CDK14: variants seen among roughly 807,000 people sequenced by gnomAD.
CDK14 encodes cyclin-dependent kinase 14.
In CDK14, 34 loss-of-function variants were observed where a neutral mutation model predicts 60.7. The ratio of observed to expected loss-of-function variants is 0.56; its 90% confidence interval spans 0.43 to 0.75. The LOEUF (loss-of-function observed/expected upper bound fraction) is 0.75, where lower values mean the gene tolerates loss of function less well. CDK14 is among the 30% of genes least tolerant of loss of function. The probability of loss-of-function intolerance (pLI) is 0.00; values close to 1 mark genes in which losing one functional copy is unlikely to be tolerated. For missense variants in CDK14, 482 were observed against 564.1 expected (o/e 0.85, Z 1.47); for synonymous variants, 197 against 203.7 (o/e 0.97, Z 0.28).
chr7:90,923,908 C>T (rs1793330544), intron 8 of CDK14, among the ~76,000 whole-genome samples: 1 of 152,100 alleles, frequency 6.6e-6, no homozygotes, highest in South Asian at 2.1e-4. Context: ...TAAGTAGCAG[C>T]CATGATGAAC....
chr7:90,908,084 A>G (rs1436230855), intron 7 of CDK14, among the ~76,000 whole-genome samples: 1 of 152,140 alleles, frequency 6.6e-6, no homozygotes, highest in Non-Finnish European at 1.5e-5. Context: ...TAAAAATTTG[A>G]CACCAAGTCT....
Position 90,693,306 on chromosome 7 carries a change from T to C in CDK14, c.124-33261T>C, listed in dbSNP as rs1434572350. On this transcript the variant is annotated intron_variant, in intron 2 of 14. Transcript: ENST00000380050. ...ATTGAACAGAAGTTGTATAAGCTGATGATGAGTCTTGATCTGGAATAGACC... is the reference window on the plus strand; with the variant it reads ...ATTGAACAGAAGTTGTATAAGCTGACGATGAGTCTTGATCTGGAATAGACC... 3.3e-5 allele frequency among the ~76,000 whole-genome samples: 5 copies of C among 152,308 alleles called. No individual in the cohort carries two copies. The South Asian group carries it at 1.0e-3, about 32-fold the overall frequency.
chr7:90,777,425 T>C (rs148318065), intron 4 of CDK14, among the ~76,000 whole-genome samples: 4 of 152,182 alleles, frequency 2.6e-5, no homozygotes, highest in Admixed American at 6.5e-5. Flanking sequence ...AGAGAGGCAG[T>C]GAGAAGCTGG....
chr7:90,970,017 A>G (rs1443059288), intron 9 of CDK14, among the ~76,000 whole-genome samples: 1 of 147,098 alleles, frequency 6.8e-6, no homozygotes, highest in Non-Finnish European at 1.5e-5. Context: ...CCCAGGCTGG[A>G]GTGCAGTGGC....
At chr7:91,016,086 T>G (rs2115845672) in intron 10 of CDK14, among the ~76,000 whole-genome samples, 2 of 152,314 alleles carry the variant, frequency 1.3e-5, no homozygotes, top group South Asian at 4.2e-4. Flanking sequence ...AGATCCCTGC[T>G]GCTAACACCC....
chr7:90,711,570 C>T (rs980276740), intron 2 of CDK14, among the ~76,000 whole-genome samples: 2 of 151,962 alleles, frequency 1.3e-5, no homozygotes, highest in Non-Finnish European at 2.9e-5. Context: ...ACTGATTTTA[C>T]AATCATACGA....
intron 12 of CDK14, among the ~76,000 whole-genome samples, chr7:91,087,281 A>G (rs1275211973): frequency 6.6e-6 from 1 of 152,178 alleles, no homozygotes; most frequent in Non-Finnish European, 1.5e-5. Context: ...TGCATCTAAC[A>G]TGTTGTGTAC....
chr7:91,001,893 G>A (rs887793168), intron 10 of CDK14, among the ~76,000 whole-genome samples: 1 of 152,202 alleles, frequency 6.6e-6, no homozygotes, highest in Non-Finnish European at 1.5e-5. Context: ...CCCAATGTAA[G>A]TGATACAACT....
At chr7:91,092,108 C>T (rs1798849788) in intron 12 of CDK14, among the ~76,000 whole-genome samples, 1 of 152,164 alleles carries the variant, frequency 6.6e-6, no homozygotes, top group African/African-American at 2.4e-5. Flanking sequence ...AAAGCTCTAG[C>T]AATCATGCCA....
At chr7:91,061,210 C>T (rs932954063) in intron 11 of CDK14, among the ~76,000 whole-genome samples, 8 of 152,236 alleles carry the variant, frequency 5.3e-5, no homozygotes, top group Non-Finnish European at 7.4e-5. Flanking sequence ...GAGGCTTGTG[C>T]ATTCGTCATG....
At chr7:90,896,422 A>G (rs1223014271) in intron 6 of CDK14, among the ~76,000 whole-genome samples, 1 of 152,138 alleles carries the variant, frequency 6.6e-6, no homozygotes, top group Non-Finnish European at 1.5e-5. Flanking sequence ...TTATTGATAT[A>G]CTACTAAAAA....
At chr7:91,143,029 T>C (rs43011) in intron 14 of CDK14, among the ~76,000 whole-genome samples, 145,372 of 152,304 alleles carry the variant, frequency 0.95, 69,401 homozygotes, top group East Asian at 1. Context: ...TACTGTTATA[T>C]AAATATAAAT....
intron 9 of CDK14, among the ~76,000 whole-genome samples, chr7:90,970,829 T>C (rs1214224469): frequency 6.6e-6 from 1 of 152,224 alleles, no homozygotes. Context: ...GTGTTTAATT[T>C]CATAGGATAA....
At chr7:90,809,681 G>A (rs934015848) in intron 5 of CDK14, among the ~76,000 whole-genome samples, 1 of 152,130 alleles carries the variant, frequency 6.6e-6, no homozygotes, top group Non-Finnish European at 1.5e-5. Flanking sequence ...GAATCCAGGA[G>A]CTAGTTTTTT....
intron 2 of CDK14, among the ~76,000 whole-genome samples, chr7:90,714,354 ACAG>A (rs751181374): frequency 9.2e-5 from 14 of 152,072 alleles, no homozygotes; most frequent in Non-Finnish European, 1.5e-4. Context: ...TGACAGACAA[ACAG>A]CAGGATGTGT....
chr7:91,112,479 T>G (rs554266575), intron 12 of CDK14, 63 bp from the exon 13 acceptor site: 2 of 1,539,176 alleles, frequency 1.3e-6, no homozygotes, highest in South Asian at 1.2e-5. Flanking sequence ...TAGGTAAGCT[T>G]TATGTCTTAT....
chr7:91,146,296 G>A (rs888996027), intron 14 of CDK14, among the ~76,000 whole-genome samples: 4 of 152,150 alleles, frequency 2.6e-5, no homozygotes, highest in African/African-American at 4.8e-5. Context: ...CAACTCCCAG[G>A]TTCAAGTGAT....
intron 5 of CDK14, among the ~76,000 whole-genome samples, chr7:90,842,355 A>G (rs1355256905): frequency 2.0e-5 from 3 of 152,162 alleles, no homozygotes; most frequent in Admixed American, 6.6e-5. Context: ...AGAGTTTGAA[A>G]TAAGACAGCT....
chr7:90,880,246 C>T (rs529332533), intron 6 of CDK14, among the ~76,000 whole-genome samples: 9 of 152,330 alleles, frequency 5.9e-5, no homozygotes, highest in African/African-American at 2.2e-4. Flanking sequence ...GCTTCCTCTG[C>T]TAGAGGCAGG....
Sources: gnomAD v4.1 joint callset for allele counts (sites outside exome capture counted in the v4.1 genomes callset) on GRCh38, gnomAD v4.1.1 for gene constraint, MANE v1.5 for transcripts, NCBI Gene and HGNC (gene_info 2026-07-23, HGNC 2026-07-21) for gene names.